Variants in RBFOX3 observed in about 807,000 individuals in gnomAD.
RBFOX3 encodes RNA binding fox-1 homolog 3.
RBFOX3 carries 17 observed loss-of-function variants against 48.7 expected under a neutral mutation model. The observed-to-expected ratio is 0.35, with a 90% CI of 0.24 to 0.52. RBFOX3 has a LOEUF of 0.52. Ranked by LOEUF, RBFOX3 falls within the 20% of genes least tolerant of loss-of-function variation. RBFOX3 has a pLI of 0.94. For missense variants in RBFOX3, 382 were observed against 497.5 expected, an observed-to-expected ratio of 0.77 and a Z score of 2.21; for synonymous variants, 212 against 209.5, an observed-to-expected ratio of 1.01 and a Z score of -0.10.
At chr17:79,594,297 A>T (rs2093506934) in intron 1 of RBFOX3, among the ~76,000 whole-genome samples, 1 of 152,216 alleles carries the variant, frequency 6.6e-6, no homozygotes, top group Non-Finnish European at 1.5e-5. Context: ...AAGATTCTGC[A>T]TATGGAGCTG....
chr17:79,371,065 T>C (rs992942225), intron 2 of RBFOX3, among the ~76,000 whole-genome samples: 4 of 152,198 alleles, frequency 2.6e-5, no homozygotes, highest in East Asian at 1.9e-4. Flanking sequence ...CACGGTGGGG[T>C]GGCTTCCCAG....
intron 1 of RBFOX3, among the ~76,000 whole-genome samples, chr17:79,546,352 A>C (rs1599112071): frequency 6.6e-6 from 1 of 152,272 alleles, no homozygotes; most frequent in East Asian, 1.9e-4. Context: ...TCATCCACAC[A>C]AACGGCCATC....
chr17:79,454,496 A>G (rs1251544619), intron 2 of RBFOX3, among the ~76,000 whole-genome samples: 1 of 151,568 alleles, frequency 6.6e-6, no homozygotes. Context: ...CTTGCCCACC[A>G]AGCCCTCCCA....
intron 2 of RBFOX3, among the ~76,000 whole-genome samples, chr17:79,340,875 G>GA (rs988667546): frequency 2.0e-5 from 3 of 152,166 alleles, no homozygotes; most frequent in South Asian, 2.1e-4. Flanking sequence ...ACTTGAATCA[G>GA]AAAAAATGCC....
chr17:79,640,107 T>C, the RBFOX3 span, among the ~76,000 whole-genome samples: 1 of 152,152 alleles, frequency 6.6e-6, no homozygotes, highest in Non-Finnish European at 1.5e-5. Context: ...CTTTAAAAAA[T>C]TCTGTAAAAT....
chr17:79,617,627 CTG>C, the RBFOX3 span, among the ~76,000 whole-genome samples: 1 of 152,228 alleles, frequency 6.6e-6, no homozygotes, highest in African/African-American at 2.4e-5. Context: ...GCATCTCCAC[CTG>C]TCTTTCTCTG....
intron 4 of RBFOX3, among the ~76,000 whole-genome samples, chr17:79,120,196 G>T (rs1291485015): frequency 1.3e-5 from 2 of 152,146 alleles, no homozygotes; most frequent in Non-Finnish European, 2.9e-5. Context: ...TCAGAGAATG[G>T]GGACCACTTC....
intron 4 of RBFOX3, among the ~76,000 whole-genome samples, chr17:79,159,611 T>C (rs1460215852): frequency 6.6e-6 from 1 of 152,128 alleles, no homozygotes; most frequent in Non-Finnish European, 1.5e-5. Context: ...TGCCACCCAC[T>C]CACACACTCA....
chr17:79,261,330 C>T (rs1240150098), intron 3 of RBFOX3, among the ~76,000 whole-genome samples: 1 of 152,212 alleles, frequency 6.6e-6, no homozygotes, highest in Non-Finnish European at 1.5e-5. Context: ...AAGGAGGGGG[C>T]ACGAGCACCC....
At chr17:79,104,852 G>A (rs1169579258) in intron 6 of RBFOX3, among the ~76,000 whole-genome samples, 2 of 151,952 alleles carry the variant, frequency 1.3e-5, no homozygotes. Flanking sequence ...AAGCATAGGA[G>A]GGTCTTCCGC....
Position 79,103,021 on chromosome 17 carries a change from T to C in RBFOX3, c.507+141A>G, listed in dbSNP as rs989559988. Reference sequence around the variant, plus strand: ...CGGCAGCTGAGCACCCTGGCCTTAGTGCGACCCTTCCTCCCACCCCAGGGA... The same window carrying C: ...CGGCAGCTGAGCACCCTGGCCTTAGCGCGACCCTTCCTCCCACCCCAGGGA... On this transcript the variant is annotated intron_variant, in intron 8 of 14. Coordinates refer to ENST00000693108, the MANE Select transcript of RBFOX3 (RefSeq NM_001350451.2). The surrounding 1 kb of genome is among the most constrained non-coding windows in gnomAD (Gnocchi z 6.1). 1 of 653,574 alleles carries C rather than the reference T, an allele frequency of 1.5e-6. No individual in the cohort carries two copies. The allele number at this position is 653,574 out of a possible 1,614,324, so 40.5% of individuals were successfully genotyped here. A position where few individuals can be genotyped will look rare whatever the true frequency, so the allele number is the denominator to read the frequency against.
chr17:79,092,165 G>GC (rs2074048522), intron 14 of RBFOX3: 2 of 985,522 alleles, frequency 2.0e-6, no homozygotes, highest in Middle Eastern at 5.2e-4. Context: ...GGGAGGCCCT[G>GC]CCAGGCGTTT....
At chr17:79,438,768 A>G (rs1330803893) in intron 2 of RBFOX3, among the ~76,000 whole-genome samples, 1 of 152,222 alleles carries the variant, frequency 6.6e-6, no homozygotes, top group Non-Finnish European at 1.5e-5. Context: ...GGCCATGACC[A>G]TCACCTGCGT....
chr17:79,324,305 C>A (rs1228117311), intron 2 of RBFOX3, among the ~76,000 whole-genome samples: 1 of 152,212 alleles, frequency 6.6e-6, no homozygotes, highest in Non-Finnish European at 1.5e-5. Flanking sequence ...TCTGCCATGG[C>A]CCAGTGGCAG....
At chr17:79,507,547 C>T (rs1389081689) in intron 1 of RBFOX3, among the ~76,000 whole-genome samples, 4 of 152,120 alleles carry the variant, frequency 2.6e-5, no homozygotes, top group African/African-American at 9.7e-5. Flanking sequence ...ACTCCCCTGC[C>T]ATTGTCCAGT....
chr17:79,165,940 CTG>C (rs1448466463), intron 4 of RBFOX3, among the ~76,000 whole-genome samples: 4 of 152,234 alleles, frequency 2.6e-5, no homozygotes, highest in African/African-American at 9.6e-5. Context: ...GCTGAGGACA[CTG>C]TGAGCCAAGG....
chr17:79,606,506 G>C (rs984020096), intron 1 of RBFOX3, among the ~76,000 whole-genome samples: 2 of 152,094 alleles, frequency 1.3e-5, no homozygotes, highest in Non-Finnish European at 2.9e-5. Flanking sequence ...AGCTCGCCCC[G>C]AGCTACAAAT....
intron 2 of RBFOX3, among the ~76,000 whole-genome samples, chr17:79,454,039 C>A (rs921936754): frequency 6.6e-6 from 1 of 152,082 alleles, no homozygotes. Flanking sequence ...GTAGGAAATG[C>A]GCTCTGACAA....
chr17:79,174,415 C>G (rs957982782), intron 4 of RBFOX3, among the ~76,000 whole-genome samples: 1 of 151,858 alleles, frequency 6.6e-6, no homozygotes, highest in East Asian at 1.9e-4. Flanking sequence ...CAGACACGCA[C>G]ACATGCACTC....
Sources: gnomAD v4.1 joint callset for allele counts (sites outside exome capture counted in the v4.1 genomes callset) on GRCh38, gnomAD v4.1.1 for gene constraint, Gnocchi (gnomAD v3.1) non-coding constraint, MANE v1.5 for transcripts, NCBI Gene and HGNC (gene_info 2026-07-23, HGNC 2026-07-21) for gene names.